The following PHTF2 variants were observed in gnomAD, a reference collection of about 807,000 sequenced individuals.
The protein encoded by PHTF2 is putative homeodomain transcription factor 2, also known as protein PHTF2.
In PHTF2, 60 loss-of-function variants were observed where a neutral mutation model predicts 101.2. That is an observed-to-expected ratio of 0.59 (90% CI 0.48 to 0.73). PHTF2 has a LOEUF of 0.73. PHTF2 is among the 30% of genes least tolerant of loss of function. The pLI is 0.00. For missense variants in PHTF2, 747 were observed against 908.7 expected (o/e 0.82, Z 2.29); for synonymous variants, 311 against 307.3 (o/e 1.01, Z -0.13).
At chr7:77,889,879 G>C (rs547028279) in intron 3 of PHTF2, among the ~76,000 whole-genome samples, 1 of 152,136 alleles carries the variant, frequency 6.6e-6, no homozygotes, top group African/African-American at 2.4e-5. Flanking sequence ...GATTACAGGC[G>C]TGAGCCACCA....
At chr7:77,845,441 G>C (rs543005889) in intron 2 of PHTF2, among the ~76,000 whole-genome samples, 1 of 152,204 alleles carries the variant, frequency 6.6e-6, no homozygotes. Flanking sequence ...TCTTTAAGGA[G>C]TCAGTTGCCA....
chr7:77,896,261 A>G (rs1234192070), intron 5 of PHTF2, among the ~76,000 whole-genome samples: 1 of 152,214 alleles, frequency 6.6e-6, no homozygotes, highest in Non-Finnish European at 1.5e-5. Context: ...TGAATAATGT[A>G]CACACTACCC....
At chr7:77,881,265 G>A (rs1288708796) in intron 3 of PHTF2, among the ~76,000 whole-genome samples, 2 of 152,036 alleles carry the variant, frequency 1.3e-5, no homozygotes, top group South Asian at 2.1e-4. Context: ...TGTCCCAGTC[G>A]TCTTCCTACC....
chr7:77,919,400 G>A (rs1434725780), intron 9 of PHTF2, among the ~76,000 whole-genome samples: 1 of 151,902 alleles, frequency 6.6e-6, no homozygotes, highest in Admixed American at 6.6e-5. Flanking sequence ...AAAATTCAAG[G>A]GAATTTATTT....
chr7:77,803,688 C>T lies in PHTF2; in HGVS notation c.-36+4717C>T, dbSNP rs920563504. ...CAGTTATTTGACTGAGTTGAACAGG[C>T]GTGTGTGTGTGTGTGTGTGTGTGTG... is the stretch of plus-strand genomic sequence containing the variant. On this transcript the variant is annotated intron_variant, in intron 1 of 19. Transcript: ENST00000416283. Among the ~76,000 whole-genome samples, 8 of 140,862 alleles carry T rather than the reference C, an allele frequency of 5.7e-5. No individual in the cohort carries two copies. In the South Asian group the frequency reaches 6.9e-4, roughly 12 times the overall value. The allele number at this position is 140,862 out of a possible 152,430, so 92.4% of individuals were successfully genotyped here.
intron 1 of PHTF2, among the ~76,000 whole-genome samples, chr7:77,806,538 A>G (rs1792998795): frequency 6.6e-6 from 1 of 151,754 alleles, no homozygotes; most frequent in African/African-American, 2.4e-5. Context: ...CTACCTTTTT[A>G]TGTTTATATT....
At chr7:77,889,747 C>T (rs550635128) in intron 3 of PHTF2, among the ~76,000 whole-genome samples, 10 of 151,968 alleles carry the variant, frequency 6.6e-5, no homozygotes, top group South Asian at 6.2e-4. Flanking sequence ...TGCACGACTA[C>T]GCCTGGCTAA....
chr7:77,873,623 A>G (rs997456903), intron 3 of PHTF2, among the ~76,000 whole-genome samples: 9 of 152,126 alleles, frequency 5.9e-5, no homozygotes, highest in Admixed American at 3.9e-4. Context: ...ATCTCTTCAG[A>G]CAAAGGTGGA....
intron 1 of PHTF2, among the ~76,000 whole-genome samples, chr7:77,826,467 C>T (rs1223539440): frequency 1.3e-5 from 2 of 152,080 alleles, no homozygotes; most frequent in Admixed American, 1.3e-4. Context: ...CCAAGGCAAC[C>T]CAGGATCTTT....
chr7:77,921,588 T>C (rs1254854791), intron 10 of PHTF2, among the ~76,000 whole-genome samples: 1 of 152,224 alleles, frequency 6.6e-6, no homozygotes, highest in East Asian at 1.9e-4. Context: ...GGGCCTGCAA[T>C]GAATGTAGTC....
Position 77,860,955 on chromosome 7 carries a change from C to T in PHTF2, c.147+6121C>T, listed in dbSNP as rs191610504. Among the ~76,000 whole-genome samples the T allele has an allele frequency of 7.9e-3, 1,205 of 152,180 alleles. 19 individuals carry two copies. The highest frequency in any genetic ancestry group is 8.4e-3 in the Non-Finnish European group (568 of 68,004). On this transcript the variant is annotated intron_variant, in intron 3 of 19. Coordinates refer to ENST00000416283, the Ensembl canonical transcript of PHTF2. ...CTGGGCTCACGTTATCCTCCCACCTCGGCCTCCCAAATTGTTAGGATTACA... is the reference window on the plus strand; with the variant it reads ...CTGGGCTCACGTTATCCTCCCACCTTGGCCTCCCAAATTGTTAGGATTACA...
At chr7:77,934,326 C>G (rs117584367) in intron 12 of PHTF2, among the ~76,000 whole-genome samples, 3,361 of 152,232 alleles carry the variant, frequency 0.022, 52 homozygotes, top group Middle Eastern at 0.068. Context: ...AAATTTTTCT[C>G]CTATAGCCCT....
intron 7 of PHTF2, chr7:77,906,272 T>C (rs1801850541): frequency 6.6e-6 from 1 of 152,192 alleles, no homozygotes; most frequent in South Asian, 2.1e-4. Context: ...AGGCAGGAGC[T>C]ACCACGCCCG....
chr7:77,903,367 C>G (rs1801564926), intron 7 of PHTF2, among the ~76,000 whole-genome samples: 1 of 152,158 alleles, frequency 6.6e-6, no homozygotes, highest in African/African-American at 2.4e-5. Flanking sequence ...GATGAGAAAA[C>G]TTTATTTGAA....
At chr7:77,803,311 T>C (rs1166196278) in intron 1 of PHTF2, among the ~76,000 whole-genome samples, 4 of 152,238 alleles carry the variant, frequency 2.6e-5, no homozygotes, top group Admixed American at 1.3e-4. Flanking sequence ...AAAGGGGCTG[T>C]TAAAAGTATA....
At chr7:77,919,977 A>G (rs1278659044) in intron 9 of PHTF2, among the ~76,000 whole-genome samples, 3 of 152,168 alleles carry the variant, frequency 2.0e-5, no homozygotes, top group Non-Finnish European at 4.4e-5. Flanking sequence ...AATGGGCAAA[A>G]TTTTGTTTCT....
At chr7:77,837,547 GTT>G (rs1795564892) in intron 1 of PHTF2, among the ~76,000 whole-genome samples, 1 of 152,216 alleles carries the variant, frequency 6.6e-6, no homozygotes, top group East Asian at 1.9e-4. Context: ...TATTAAATGA[GTT>G]TGCACAGAAA....
At chr7:77,925,494 G>GTTT (rs1803879861) in intron 11 of PHTF2, among the ~76,000 whole-genome samples, 3 of 98,932 alleles carry the variant, frequency 3.0e-5, no homozygotes, top group South Asian at 2.9e-4. Context: ...TAGTTTTTAG[G>GTTT]GTTTTTTTTT....
intron 1 of PHTF2, among the ~76,000 whole-genome samples, chr7:77,819,392 A>G (rs1044941705): frequency 1.3e-5 from 2 of 152,162 alleles, no homozygotes; most frequent in African/African-American, 4.8e-5. Context: ...GGCCTTTATT[A>G]TGTTGAGATA....
Sources: allele counts gnomAD v4.1 joint callset (sites outside exome capture counted in the v4.1 genomes callset), GRCh38; gene constraint gnomAD v4.1.1; transcripts MANE v1.5; gene names NCBI Gene and HGNC (gene_info 2026-07-23, HGNC 2026-07-21).